GALNTL6: variants seen among roughly 807,000 people sequenced by gnomAD.
GALNTL6 encodes the protein polypeptide N-acetylgalactosaminyltransferase-like 6.
Under a neutral mutation model 73.7 loss-of-function variants are expected in GALNTL6, and 46 were observed. That is an observed-to-expected ratio of 0.62 (90% confidence interval 0.49 to 0.80). GALNTL6 has a LOEUF of 0.80. Ranked by LOEUF, GALNTL6 falls within the 30% of genes least tolerant of loss-of-function variation. The pLI, the probability that GALNTL6 is intolerant of heterozygous loss-of-function variation, is 0.00. For missense variants in GALNTL6, 604 were observed against 755.0 expected (o/e 0.80, Z 2.34); for synonymous variants, 259 against 263.7 (o/e 0.98, Z 0.17).
At chr4:172,192,672 G>T (rs769242709) in intron 2 of GALNTL6, among the ~76,000 whole-genome samples, 8 of 152,118 alleles carry the variant, frequency 5.3e-5, no homozygotes, top group African/African-American at 1.4e-4. Context: ...TGTGCAACTC[G>T]CCCATCAGGA....
chr4:172,310,224 G>C (rs1740303242), intron 3 of GALNTL6, among the ~76,000 whole-genome samples: 1 of 151,782 alleles, frequency 6.6e-6, no homozygotes, highest in South Asian at 2.1e-4. Flanking sequence ...ACAAAATTTT[G>C]TACATAGCAT....
rs770519380 is a variant in GALNTL6 at position 172,463,006 on chromosome 4, A to G, written c.553+114317A>G. Reference sequence around the variant, plus strand: ...ATACAAGGACTGCCTAAACACACCAATTTTGTTACAGTTCCTTTTTAGATC... The same window carrying G: ...ATACAAGGACTGCCTAAACACACCAGTTTTGTTACAGTTCCTTTTTAGATC... On this transcript the variant is annotated intron_variant, in intron 5 of 12. Transcript: ENST00000506823. Among the ~76,000 whole-genome samples the G allele has an allele frequency of 1.3e-4, 20 of 152,152 alleles. 1 individual carries two copies.
intron 2 of GALNTL6, among the ~76,000 whole-genome samples, chr4:172,117,045 T>A (rs892579585): frequency 6.6e-6 from 1 of 152,180 alleles, no homozygotes; most frequent in East Asian, 1.9e-4. Context: ...AGCAAAATTA[T>A]TTCTATTAGT....
intron 5 of GALNTL6, among the ~76,000 whole-genome samples, chr4:172,389,118 AC>A (rs1743576106): frequency 6.6e-6 from 1 of 152,070 alleles, no homozygotes; most frequent in Admixed American, 6.5e-5. Context: ...GTTTGTGTTC[AC>A]ATGAAATTCT....
chr4:172,453,643 C>G (rs535934021), intron 5 of GALNTL6, among the ~76,000 whole-genome samples: 1 of 152,220 alleles, frequency 6.6e-6, no homozygotes, highest in Non-Finnish European at 1.5e-5. Flanking sequence ...TTGTCATGAG[C>G]TGTACAAAAG....
chr4:172,761,691 C>CTT (rs1738114083), intron 5 of GALNTL6, among the ~76,000 whole-genome samples: 3 of 151,918 alleles, frequency 2.0e-5, no homozygotes, highest in Admixed American at 2.0e-4. Context: ...CTCTCTCTCT[C>CTT]TCTCTTTCTC....
chr4:171,962,117 G>A (rs1739237714), intron 2 of GALNTL6, among the ~76,000 whole-genome samples: 1 of 152,140 alleles, frequency 6.6e-6, no homozygotes, highest in South Asian at 2.1e-4. Context: ...CTAATAGTTA[G>A]GCAGGAATAT....
chr4:172,414,735 C>T (rs1410482911), intron 5 of GALNTL6, among the ~76,000 whole-genome samples: 2 of 152,190 alleles, frequency 1.3e-5, no homozygotes, highest in Non-Finnish European at 2.9e-5. Context: ...CCGTCACCTA[C>T]TGAGGCTATC....
At chr4:172,083,068 G>C (rs1353895561) in intron 2 of GALNTL6, among the ~76,000 whole-genome samples, 1 of 152,076 alleles carries the variant, frequency 6.6e-6, no homozygotes, top group Non-Finnish European at 1.5e-5. Flanking sequence ...AAAAACTTTA[G>C]TGTTATCTTT....
chr4:172,492,480 A>C (rs535254716), intron 5 of GALNTL6, among the ~76,000 whole-genome samples: 258 of 152,310 alleles, frequency 1.7e-3, no homozygotes, highest in Non-Finnish European at 3.0e-3. Context: ...TTTATTTTAA[A>C]AAATGTTGGC....
intron 3 of GALNTL6, among the ~76,000 whole-genome samples, chr4:172,235,258 A>G (rs1207891690): frequency 6.6e-6 from 1 of 151,860 alleles, no homozygotes; most frequent in Non-Finnish European, 1.5e-5. Flanking sequence ...CCCAGGCTGG[A>G]GTGCAGTGGT....
chr4:171,972,311 A>G (rs912218903), intron 2 of GALNTL6, among the ~76,000 whole-genome samples: 1 of 152,304 alleles, frequency 6.6e-6, no homozygotes. Flanking sequence ...TGGCATCTAT[A>G]TGACTATATT....
intron 5 of GALNTL6, among the ~76,000 whole-genome samples, chr4:172,382,118 T>A (rs927425517): frequency 1.3e-5 from 2 of 152,052 alleles, no homozygotes; most frequent in African/African-American, 4.8e-5. Context: ...TACAGGCCAA[T>A]CACCATGCCT....
At chr4:172,668,690 T>TTGA (rs1416051282) in intron 5 of GALNTL6, 1 of 152,158 alleles carries the variant, frequency 6.6e-6, no homozygotes, top group African/African-American at 2.4e-5. Flanking sequence ...AAGCCTCTTT[T>TTGA]CTCTTTTGAT....
At chr4:172,156,544 T>TATATATATATATATATATA (rs1553997700) in intron 2 of GALNTL6, among the ~76,000 whole-genome samples, 1 of 67,948 alleles carries the variant, frequency 1.5e-5, no homozygotes, top group African/African-American at 7.8e-5. Context: ...ATATATAATA[T>TATATATATATATATATATA]ATATATATAT....
chr4:172,180,867 T>G (rs1735219665), intron 2 of GALNTL6, among the ~76,000 whole-genome samples: 1 of 152,198 alleles, frequency 6.6e-6, no homozygotes, highest in African/African-American at 2.4e-5. Flanking sequence ...TAGCATAGTT[T>G]GAAGTCAGAT....
rs188350403 is a variant in GALNTL6, at chr4:172,226,135, C to T, written c.139-3521C>T. On this transcript the variant is annotated intron_variant, in intron 2 of 12. Transcript: ENST00000506823. ...CCAGCAATCCTCTTACCCACCTCCC[C>T]TACTTGCAATTTCTGATACCAAGGG... Among the ~76,000 whole-genome samples, 193 of 152,312 alleles carry T rather than the reference C, an allele frequency of 1.3e-3. 1 individual carries two copies. The highest frequency in any genetic ancestry group is 0.01 in the Middle Eastern group (3 of 294).
At chr4:172,502,099 G>T (rs918314684) in intron 5 of GALNTL6, among the ~76,000 whole-genome samples, 1 of 151,990 alleles carries the variant, frequency 6.6e-6, no homozygotes, top group Non-Finnish European at 1.5e-5. Context: ...TCAACAAATC[G>T]CATACATACT....
In GALNTL6 at chr4:172,650,168, A is replaced by T. The variant is rs577978603; in HGVS notation, c.554-159193A>T. Reference sequence around the variant, plus strand: ...ATCCTTTTGGGATGTCCATCTGGTGATGAGATTGAGGATCGCAGTGTCAGG... The same window carrying T: ...ATCCTTTTGGGATGTCCATCTGGTGTTGAGATTGAGGATCGCAGTGTCAGG... On this transcript the variant is annotated intron_variant, in intron 5 of 12. Coordinates refer to ENST00000506823, the MANE Select transcript of GALNTL6 (RefSeq NM_001034845.3). Among the ~76,000 whole-genome samples the T allele has an allele frequency of 3.3e-5, 5 of 152,256 alleles. No homozygotes were observed. The South Asian group carries it at 8.3e-4, about 25-fold the overall frequency.
Sources: gnomAD v4.1 joint callset for allele counts (sites outside exome capture counted in the v4.1 genomes callset) on GRCh38, gnomAD v4.1.1 for gene constraint, MANE v1.5 for transcripts, NCBI Gene and HGNC (gene_info 2026-07-23, HGNC 2026-07-21) for gene names.